The following SGCZ variants were observed in gnomAD, a reference collection of about 807,000 sequenced individuals.
SGCZ encodes zeta-sarcoglycan.
A neutral mutation model predicts 41.3 loss-of-function variants in SGCZ; 40 were observed. The observed-to-expected ratio is 0.97, with a 90% CI of 0.75 to 1.26. SGCZ has a LOEUF of 1.26. Ranked by LOEUF, SGCZ falls within the 50% of genes most tolerant of loss-of-function variation. The pLI is 0.00. For missense variants in SGCZ, 552 were observed against 369.8 expected (o/e 1.49, Z -4.04); for synonymous variants, 206 against 137.5 (o/e 1.50, Z -3.49).
intron 2 of SGCZ, among the ~76,000 whole-genome samples, chr8:14,399,095 T>G (rs1799000376): frequency 1.3e-5 from 2 of 152,152 alleles, no homozygotes; most frequent in Non-Finnish European, 2.9e-5. Flanking sequence ...CATTATTATT[T>G]TGAGAGCTGA....
At chr8:14,884,224 G>A (rs1804702443) in intron 1 of SGCZ, among the ~76,000 whole-genome samples, 1 of 152,104 alleles carries the variant, frequency 6.6e-6, no homozygotes, top group African/African-American at 2.4e-5. Flanking sequence ...CCATTGCACT[G>A]AGAATGTGCA....
At chr8:14,719,659 G>A (rs917433595) in intron 1 of SGCZ, among the ~76,000 whole-genome samples, 3 of 151,994 alleles carry the variant, frequency 2.0e-5, no homozygotes, top group African/African-American at 7.2e-5. Context: ...CTTCTTTTGA[G>A]AAGTGTCTGT....
intron 1 of SGCZ, among the ~76,000 whole-genome samples, chr8:14,849,745 T>C (rs552964544): frequency 1.3e-5 from 2 of 152,236 alleles, no homozygotes; most frequent in East Asian, 3.9e-4. Flanking sequence ...GAATGTATAC[T>C]TATGTCAAAA....
chr8:14,557,672 T>A (rs1048667659), intron 1 of SGCZ, among the ~76,000 whole-genome samples: 9 of 151,998 alleles, frequency 5.9e-5, no homozygotes, highest in Non-Finnish European at 8.8e-5. Context: ...CACCATTTGT[T>A]GAATAGGGTG....
At chr8:15,147,783 G>A (rs968303470) in intron 1 of SGCZ, among the ~76,000 whole-genome samples, 9 of 152,152 alleles carry the variant, frequency 5.9e-5, no homozygotes, top group African/African-American at 1.7e-4. Context: ...TCTTCGAAGG[G>A]CACTTTGTTG....
chr8:14,381,281 A>G (rs1804351304), intron 2 of SGCZ, among the ~76,000 whole-genome samples: 1 of 152,246 alleles, frequency 6.6e-6, no homozygotes, highest in South Asian at 2.1e-4. Flanking sequence ...ACAGCTAGGA[A>G]GGTTCAGAGA....
intron 1 of SGCZ, among the ~76,000 whole-genome samples, chr8:14,578,620 G>A (rs549400986): frequency 2.0e-5 from 3 of 152,194 alleles, no homozygotes; most frequent in African/African-American, 7.2e-5. Context: ...TGCTAAAACT[G>A]TTGATTAATT....
intron 1 of SGCZ, among the ~76,000 whole-genome samples, chr8:14,584,733 T>C (rs1478023796): frequency 6.6e-6 from 1 of 151,864 alleles, no homozygotes; most frequent in Admixed American, 6.6e-5. Flanking sequence ...TAATTACACA[T>C]AAAGAAGGGA....
At chr8:14,609,114 T>C (rs932027043) in intron 1 of SGCZ, among the ~76,000 whole-genome samples, 1 of 152,226 alleles carries the variant, frequency 6.6e-6, no homozygotes, top group Non-Finnish European at 1.5e-5. Flanking sequence ...TATGCATCTT[T>C]TTTTAGGGAA....
chr8:14,960,163 G>A (rs905036571), intron 1 of SGCZ, among the ~76,000 whole-genome samples: 4 of 152,082 alleles, frequency 2.6e-5, no homozygotes, highest in Admixed American at 2.0e-4. Context: ...ATATATCCAT[G>A]AATAATTTTT....
chr8:15,015,916 C>G (rs1803015427), intron 1 of SGCZ, among the ~76,000 whole-genome samples: 2 of 151,984 alleles, frequency 1.3e-5, no homozygotes, highest in Admixed American at 1.3e-4. Context: ...TTCCATATCT[C>G]CTTTTTCATT....
intron 1 of SGCZ, among the ~76,000 whole-genome samples, chr8:15,038,347 A>T (rs1428034965): frequency 6.6e-6 from 1 of 152,092 alleles, no homozygotes; most frequent in Non-Finnish European, 1.5e-5. Flanking sequence ...CAAGAACACA[A>T]AATGAGGAAA....
At chr8:14,769,405 A>C (rs1259646551) in intron 1 of SGCZ, among the ~76,000 whole-genome samples, 2 of 152,224 alleles carry the variant, frequency 1.3e-5, no homozygotes. Context: ...TTTTTTTAAA[A>C]AAGTTCAAAG....
At chr8:15,033,066 A>G (rs1046606852) in intron 1 of SGCZ, among the ~76,000 whole-genome samples, 1 of 151,954 alleles carries the variant, frequency 6.6e-6, no homozygotes, top group East Asian at 1.9e-4. Context: ...AGCCCTACCT[A>G]CTAGGCCTAT....
rs188596708 is a variant in SGCZ, at chr8:14,472,267, A to C, written c.234+82465T>G. 2.5e-3 allele frequency among the ~76,000 whole-genome samples: 388 copies of C among 152,182 alleles called. 4 individuals carry two copies. The highest frequency in any genetic ancestry group is 8.7e-3 in the African/African-American group (360 of 41,544). On this transcript the variant is annotated intron_variant, in intron 2 of 7. Coordinates refer to ENST00000382080, the MANE Select transcript of SGCZ (RefSeq NM_139167.4). ...GAATCTTGTTTAATATCTTTATTTA[A>C]AGGTAAATAAGGTTTAATTAAAGGC...
chr8:14,414,718 G>A (rs1732987585), intron 2 of SGCZ, among the ~76,000 whole-genome samples: 1 of 151,914 alleles, frequency 6.6e-6, no homozygotes, highest in African/African-American at 2.4e-5. Flanking sequence ...TCAAGCATGT[G>A]ATACCTTAAG....
chr8:15,018,878 G>T (rs1355179393), intron 1 of SGCZ, among the ~76,000 whole-genome samples: 1 of 152,168 alleles, frequency 6.6e-6, no homozygotes, highest in Non-Finnish European at 1.5e-5. Context: ...TTACAATCAT[G>T]GTGGAAGGCG....
chr8:14,443,876 C>G (rs4501578), intron 2 of SGCZ, among the ~76,000 whole-genome samples: 15,866 of 152,110 alleles, frequency 0.1, 887 homozygotes, highest in Non-Finnish European at 0.14. Flanking sequence ...GAACAGGCAA[C>G]CTACAGAATG....
At chr8:14,716,149 G>A (rs1372589489) in intron 1 of SGCZ, among the ~76,000 whole-genome samples, 2 of 151,824 alleles carry the variant, frequency 1.3e-5, no homozygotes, top group Non-Finnish European at 2.9e-5. Flanking sequence ...AGAAAAGAAT[G>A]ACATAATTGA....
Sources: allele counts gnomAD v4.1 joint callset (sites outside exome capture counted in the v4.1 genomes callset), GRCh38; gene constraint gnomAD v4.1.1; transcripts MANE v1.5; gene names NCBI Gene and HGNC (gene_info 2026-07-23, HGNC 2026-07-21).